The following GABRA2 variants were observed in gnomAD, a reference collection of about 807,000 sequenced individuals.
The protein encoded by GABRA2 is gamma-aminobutyric acid type A receptor subunit alpha2, also known as gamma-aminobutyric acid receptor subunit alpha-2.
Under a neutral mutation model 48.7 loss-of-function variants are expected in GABRA2, and 16 were observed. The observed-to-expected ratio is 0.33, with a 90% CI of 0.22 to 0.50. The LOEUF is 0.50. Ranked by LOEUF, GABRA2 falls within the 20% of genes least tolerant of loss-of-function variation. GABRA2 has a pLI of 0.98. For synonymous variants in GABRA2, 185 were observed against 184.5 expected (o/e 1.00, Z -0.02); for missense variants, 275 against 535.6 (o/e 0.51, Z 4.80).
At chr4:46,250,809 C>T (rs185664596) in intron 9 of GABRA2, among the ~76,000 whole-genome samples, 2 of 151,442 alleles carry the variant, frequency 1.3e-5, no homozygotes, top group African/African-American at 4.8e-5. Flanking sequence ...ATTAGTGGTA[C>T]CACTTTCTTG....
At position 46,303,626 on chromosome 4, in the gene GABRA2, T is replaced by G. The variant is rs199638847; in HGVS notation, c.704-14A>C. 8.1e-6 allele frequency: 13 copies of G among 1,610,306 alleles called. No individual in the cohort carries two copies. The highest frequency in any genetic ancestry group is 1.7e-5 in the Admixed American group (1 of 59,836). ...CAGTATATTCACCTGGAAGAAAAAT[T>G]TAAGAAGCTCAAGGAGTAATAGTCA... is the stretch of plus-strand genomic sequence containing the variant. On this transcript the variant is annotated splice_polypyrimidine_tract_variant and intron_variant, in intron 7 of 9. Transcript: ENST00000381620.
intron 3 of GABRA2, among the ~76,000 whole-genome samples, chr4:46,346,802 A>T (rs1194231579): frequency 6.6e-6 from 1 of 151,758 alleles, no homozygotes; most frequent in African/African-American, 2.4e-5. Flanking sequence ...CAATTAAGCA[A>T]GAAAGAAAAA....
intron 4 of GABRA2, among the ~76,000 whole-genome samples, chr4:46,318,107 A>C (rs2109732591): frequency 6.6e-6 from 1 of 151,628 alleles, no homozygotes; most frequent in African/African-American, 2.4e-5. Flanking sequence ...AGAATCTTTT[A>C]ATTGCTGCAA....
Position 46,249,557 on chromosome 4 carries a change from C to CA in GABRA2, c.*750_*751insT, listed in dbSNP as rs1014647181. 1.3e-5 allele frequency: 2 copies of CA among 150,342 alleles called. No individual in the cohort carries two copies. The highest frequency in any genetic ancestry group is 2.4e-5 in the African/African-American group (1 of 41,022). 9.3% of individuals were successfully genotyped at this position (150,342 alleles called of 1,614,324 possible). ...GGAAATGTTAAGACACATTTCTTTT[C>CA]TTTTTTTTTAATTAAGGTAGTTTCC... is the stretch of plus-strand genomic sequence containing the variant. On this transcript the variant is annotated 3_prime_UTR_variant, in exon 10 of 10. Coordinates refer to ENST00000381620, the MANE Select transcript of GABRA2 (RefSeq NM_000807.4).
Position 46,245,027 on chromosome 4 carries a change from T to C in GABRA2, c.*5281A>G, listed in dbSNP as rs1219612287. ...ACACAGGTTTTTGGTTTTTTTGTTG[T>C]TTTTTGTTTTTTTGTTTGTTTGTTT... On this transcript the variant is annotated 3_prime_UTR_variant, in exon 10 of 10. Coordinates refer to ENST00000381620, the MANE Select transcript of GABRA2 (RefSeq NM_000807.4). Among the ~76,000 whole-genome samples the C allele has an allele frequency of 6.6e-6, 1 of 151,280 alleles. No homozygotes were observed. The highest frequency in any genetic ancestry group is 2.4e-5 in the African/African-American group (1 of 41,328).
intron 3 of GABRA2, among the ~76,000 whole-genome samples, chr4:46,374,856 C>T (rs1715451982): frequency 6.6e-6 from 1 of 151,854 alleles, no homozygotes; most frequent in African/African-American, 2.4e-5. Context: ...TGGCATCACA[C>T]ATATCCCTGA....
intron 8 of GABRA2, among the ~76,000 whole-genome samples, chr4:46,288,712 A>G (rs1181297832): frequency 1.3e-5 from 2 of 152,234 alleles, no homozygotes; most frequent in Non-Finnish European, 2.9e-5. Flanking sequence ...AAATTGACAA[A>G]TGGGATCTAA....
chr4:46,334,267 T>C (rs1731839922), intron 3 of GABRA2, among the ~76,000 whole-genome samples: 1 of 152,090 alleles, frequency 6.6e-6, no homozygotes, highest in South Asian at 2.1e-4. Flanking sequence ...CAAATGGCCC[T>C]GTATTTTTCA....
At chr4:46,261,554 A>G (rs1577797973) in intron 9 of GABRA2, 3 of 311,706 alleles carry the variant, frequency 9.6e-6, no homozygotes, top group East Asian at 1.2e-4. Context: ...TATACTTACT[A>G]ACAAGTTGTG....
chr4:46,356,374 C>T lies in GABRA2; in HGVS notation c.188-23692G>A, dbSNP rs546216740. 8.5e-4 allele frequency among the ~76,000 whole-genome samples: 129 copies of T among 151,868 alleles called. 1 individual carries two copies. Among genetic ancestry groups the T allele is most frequent in the Middle Eastern group, 3.4e-3 (1 of 294 alleles). On this transcript the variant is annotated intron_variant, in intron 3 of 9. Transcript: ENST00000381620. ...CAAGAATCTGTTTGCTGCAGTCTCT[C>T]CACACCCCTGGCCAGGAAGAAAACA...
intron 6 of GABRA2, among the ~76,000 whole-genome samples, chr4:46,307,709 G>A (rs1726939489): frequency 6.6e-6 from 1 of 152,106 alleles, no homozygotes; most frequent in African/African-American, 2.4e-5. Flanking sequence ...TGCTATGGAA[G>A]ATGGAAATCT....
intron 8 of GABRA2, among the ~76,000 whole-genome samples, chr4:46,284,796 A>G (rs1437460463): frequency 6.6e-6 from 1 of 151,980 alleles, no homozygotes; most frequent in East Asian, 1.9e-4. Flanking sequence ...TTTTTAAAAA[A>G]AATTCATTAA....
intron 3 of GABRA2, among the ~76,000 whole-genome samples, chr4:46,360,233 A>G (rs1712947288): frequency 6.6e-6 from 1 of 152,240 alleles, no homozygotes; most frequent in African/African-American, 2.4e-5. Context: ...TTGTATATCA[A>G]TTATGATATA....
At chr4:46,295,670 C>T (rs1390953750) in intron 8 of GABRA2, among the ~76,000 whole-genome samples, 1 of 152,136 alleles carries the variant, frequency 6.6e-6, no homozygotes, top group South Asian at 2.1e-4. Flanking sequence ...GCTGGGTACC[C>T]GATTTGCCAG....
At chr4:46,270,334 C>T (rs1397920414) in intron 8 of GABRA2, among the ~76,000 whole-genome samples, 1 of 151,910 alleles carries the variant, frequency 6.6e-6, no homozygotes, top group Non-Finnish European at 1.5e-5. Flanking sequence ...TTTCTGTTTA[C>T]TGCTTTGGCG....
chr4:46,252,516 C>T (rs1202138740), intron 9 of GABRA2, among the ~76,000 whole-genome samples: 4 of 151,348 alleles, frequency 2.6e-5, no homozygotes, highest in Non-Finnish European at 5.9e-5. Context: ...AGTTTTCTGA[C>T]TTGACCAGGT....
At chr4:46,383,061 G>A (rs1262719456) in intron 3 of GABRA2, among the ~76,000 whole-genome samples, 1 of 152,114 alleles carries the variant, frequency 6.6e-6, no homozygotes, top group Non-Finnish European at 1.5e-5. Flanking sequence ...AAAAATGTTG[G>A]ATGCAGAGGT....
intron 3 of GABRA2, among the ~76,000 whole-genome samples, chr4:46,357,762 A>G (rs1736242640): frequency 6.7e-6 from 1 of 148,324 alleles, no homozygotes; most frequent in Non-Finnish European, 1.5e-5. Context: ...CCAGGTTCAC[A>G]TGATTCTCCT....
chr4:46,387,598 C>T (rs1717644056), intron 2 of GABRA2, among the ~76,000 whole-genome samples: 1 of 152,028 alleles, frequency 6.6e-6, no homozygotes, highest in Non-Finnish European at 1.5e-5. Context: ...CATAAAGTTC[C>T]ACATATTTTC....
Sources: gnomAD v4.1 joint callset for allele counts (sites outside exome capture counted in the v4.1 genomes callset) on GRCh38, gnomAD v4.1.1 for gene constraint, MANE v1.5 for transcripts, NCBI Gene and HGNC (gene_info 2026-07-23, HGNC 2026-07-21) for gene names.